Variants in DCC observed in about 807,000 individuals in gnomAD.
DCC encodes DCC netrin 1 receptor.
In DCC, 58 loss-of-function variants were observed where a neutral mutation model predicts 172.5. That is an observed-to-expected ratio of 0.34 (90% CI 0.27 to 0.42). The LOEUF (loss-of-function observed/expected upper bound fraction) is 0.42, where lower values mean the gene tolerates loss of function less well. Among genes scored for constraint, DCC ranks in the 10% least tolerant of loss-of-function variants. The pLI is 1.00. For synonymous variants in DCC, 709 were observed against 644.5 expected, an observed-to-expected ratio of 1.10 and a Z score of -1.52; for missense variants, 1,740 against 1,791.0, an observed-to-expected ratio of 0.97 and a Z score of 0.51.
chr18:52,798,815 GGATCTTGTCTCCCTGC>G (rs2037927121), intron 2 of DCC, among the ~76,000 whole-genome samples: 1 of 151,800 alleles, frequency 6.6e-6, no homozygotes. Flanking sequence ...TTCAATGGTG[GGATCTTGTCTCCCTGC>G]AACCTCCCCC....
intron 7 of DCC, among the ~76,000 whole-genome samples, chr18:53,074,371 G>C (rs72915266): frequency 0.084 from 12,843 of 152,112 alleles, 768 homozygotes; most frequent in Non-Finnish European, 0.13. Context: ...TCCATCATTG[G>C]TCCAAATGCA....
chr18:53,181,929 G>C (rs1352159021), intron 9 of DCC, among the ~76,000 whole-genome samples: 1 of 152,180 alleles, frequency 6.6e-6, no homozygotes. Context: ...CTTATGCCCA[G>C]ATCATACTGC....
At chr18:53,314,797 T>G (rs1201452991) in intron 13 of DCC, among the ~76,000 whole-genome samples, 1 of 152,096 alleles carries the variant, frequency 6.6e-6, no homozygotes, top group Non-Finnish European at 1.5e-5. Flanking sequence ...GGCACTAATC[T>G]CTACAGGATG....
chr18:52,446,045 C>T (rs1186691048), intron 1 of DCC, among the ~76,000 whole-genome samples: 3 of 152,186 alleles, frequency 2.0e-5, no homozygotes, highest in African/African-American at 7.2e-5. Flanking sequence ...CATTCTCCTG[C>T]CTCAGCCTCT....
At chr18:52,737,151 A>G (rs1262758772) in intron 1 of DCC, among the ~76,000 whole-genome samples, 1 of 151,974 alleles carries the variant, frequency 6.6e-6, no homozygotes, top group African/African-American at 2.4e-5. Flanking sequence ...AGTCTTACTG[A>G]TTTTTTTTAT....
At chr18:52,984,923 T>A (rs1451935651) in intron 5 of DCC, among the ~76,000 whole-genome samples, 2 of 152,188 alleles carry the variant, frequency 1.3e-5, no homozygotes, top group Non-Finnish European at 2.9e-5. Context: ...TCTAGAATTT[T>A]AAAATGACAT....
intron 1 of DCC, among the ~76,000 whole-genome samples, chr18:52,442,711 T>C (rs1015709037): frequency 6.6e-6 from 1 of 152,312 alleles, no homozygotes; most frequent in Non-Finnish European, 1.5e-5. Context: ...GCCAAAACAT[T>C]TGTAGATTTT....
chr18:52,817,766 A>AT (rs2038328407), intron 2 of DCC, among the ~76,000 whole-genome samples: 4 of 151,620 alleles, frequency 2.6e-5, no homozygotes, highest in African/African-American at 9.7e-5. Context: ...CTTTAGGAAA[A>AT]CTCCCAATCT....
chr18:53,064,726 A>G (rs1213554513), intron 6 of DCC, among the ~76,000 whole-genome samples: 1 of 152,188 alleles, frequency 6.6e-6, no homozygotes, highest in East Asian at 1.9e-4. Flanking sequence ...ATAGAGTAAG[A>G]AAGATAAAAT....
chr18:53,298,527 C>CAAAAAAAA (rs61387067), intron 12 of DCC, among the ~76,000 whole-genome samples: 1 of 33,090 alleles, frequency 3.0e-5, no homozygotes, highest in African/African-American at 8.6e-5. Context: ...GACCCTGACT[C>CAAAAAAAA]AAAAAAAAAA....
chr18:53,291,435 T>G (rs2057003794), intron 12 of DCC, among the ~76,000 whole-genome samples: 1 of 152,166 alleles, frequency 6.6e-6, no homozygotes, highest in Admixed American at 6.6e-5. Context: ...TGACTCAGGT[T>G]GCTTAAATAT....
intron 12 of DCC, among the ~76,000 whole-genome samples, chr18:53,250,087 C>G (rs2056411405): frequency 1.3e-5 from 2 of 152,012 alleles, no homozygotes; most frequent in Middle Eastern, 3.4e-3. Flanking sequence ...AAATCAGACT[C>G]TTGATGCAAT....
chr18:52,798,461 C>T (rs915850089), intron 2 of DCC, among the ~76,000 whole-genome samples: 4 of 152,148 alleles, frequency 2.6e-5, no homozygotes, highest in Non-Finnish European at 5.9e-5. Flanking sequence ...GCTTCAGCCT[C>T]CCAAAATGCT....
intron 2 of DCC, among the ~76,000 whole-genome samples, chr18:52,783,321 C>CTAT (rs1568100450): frequency 1.6e-5 from 1 of 62,122 alleles, no homozygotes; most frequent in African/African-American, 6.3e-5. Flanking sequence ...TATACTACTA[C>CTAT]TCTTTTTTTT....
chr18:52,911,438 T>TAAAG (rs34712305), intron 3 of DCC, among the ~76,000 whole-genome samples: 59,855 of 151,500 alleles, frequency 0.4, 12,323 homozygotes, highest in Non-Finnish European at 0.47. Context: ...ATAAGATAAA[T>TAAAG]ATTCAGATTA....
At chr18:52,548,837 T>C (rs553278073) in intron 1 of DCC, among the ~76,000 whole-genome samples, 1 of 152,278 alleles carries the variant, frequency 6.6e-6, no homozygotes, top group South Asian at 2.1e-4. Flanking sequence ...CCCAATAAAG[T>C]ATCTGCTTCT....
rs773315729 is a variant in DCC at position 53,499,408 on chromosome 18, C to T, written c.4009C>T (p.Arg1337Ter). 1.2e-6 allele frequency: 2 copies of T among 1,614,078 alleles called. No individual in the cohort carries two copies. Among genetic ancestry groups the T allele is most frequent in the Non-Finnish European group, 1.7e-6 (2 of 1,180,000 alleles). ...CAGAACCATCCCCACAGCTTGTGTT[C>T]GACCAACTCACCCACTCCGCAGCTT... ...PSRTIPTACV[R>*]PTHPLRSFAN... The change falls in exon 27 of 29, where the codon CGA becomes TGA. Residue 1337 changes from arginine (R) to a stop codon, truncating the protein, a stop_gained. Coordinates refer to ENST00000442544, the MANE Select transcript of DCC (RefSeq NM_005215.4). LOFTEE classifies it high-confidence loss of function.
intron 1 of DCC, among the ~76,000 whole-genome samples, chr18:52,695,344 CT>C (rs1157255670): frequency 6.6e-6 from 1 of 152,118 alleles, no homozygotes; most frequent in Non-Finnish European, 1.5e-5. Context: ...AGTGTTAGGA[CT>C]TTTCCAGCCT....
intron 1 of DCC, among the ~76,000 whole-genome samples, chr18:52,751,535 C>T (rs913908816): frequency 2.6e-5 from 4 of 152,264 alleles, no homozygotes; most frequent in Non-Finnish European, 5.9e-5. Context: ...TATTTTAAAA[C>T]CCACCTGAGC....
Sources: gnomAD v4.1 joint callset for allele counts (sites outside exome capture counted in the v4.1 genomes callset) on GRCh38, gnomAD v4.1.1 for gene constraint, MANE v1.5 for transcripts, NCBI Gene and HGNC (gene_info 2026-07-23, HGNC 2026-07-21) for gene names.